The following SLC22A15 variants were observed in gnomAD, a reference collection of about 807,000 sequenced individuals.
SLC22A15 encodes flipt 1.
A neutral mutation model predicts 62.7 loss-of-function variants in SLC22A15; 45 were observed. The observed-to-expected ratio is 0.72, with a 90% CI of 0.56 to 0.92. SLC22A15 has a LOEUF of 0.92. SLC22A15 is among the 40% of genes least tolerant of loss of function. The probability of loss-of-function intolerance (pLI) is 0.00; values close to 1 mark genes in which losing one functional copy is unlikely to be tolerated. For missense variants in SLC22A15, 622 were observed against 665.6 expected, an observed-to-expected ratio of 0.93 and a Z score of 0.72; for synonymous variants, 264 against 267.0, an observed-to-expected ratio of 0.99 and a Z score of 0.11.
In SLC22A15 at chr1:116,035,203, G is replaced by T. The variant is rs781090697; in HGVS notation, c.961G>T (p.Val321Leu). ...CAATTGCAGGTTTGTGTGCAGCTTG[G>T]TGTATTATGGCCTAACTCTGAGTGC... ...LMFIWFVCSL[V>L]YYGLTLSAGD... is the part of the protein sequence containing the mutation. The change falls in exon 7 of 12, where the codon GTG (valine) becomes TTG (leucine). Residue 321 changes from valine to leucine, a missense_variant. Physicochemically the swap from Val to Leu is conservative, Grantham distance 32. Transcript: ENST00000369503. 4 of 1,611,630 alleles carry T rather than the reference G, an allele frequency of 2.5e-6. No individual in the cohort carries two copies. In the Admixed American group the frequency reaches 5.0e-5, roughly 20 times the overall value.
chr1:115,978,724 G>A (rs1409005770), intron 1 of SLC22A15, among the ~76,000 whole-genome samples: 2 of 152,166 alleles, frequency 1.3e-5, no homozygotes, highest in African/African-American at 4.8e-5. Context: ...GTCTGTTGTT[G>A]GAGATGTTTT....
At position 116,018,875 on chromosome 1, in the gene SLC22A15, G is replaced by A. The variant is rs146519246; in HGVS notation, c.301-707G>A. Among the ~76,000 whole-genome samples the A allele has an allele frequency of 6.4e-3, 975 of 152,162 alleles. 3 individuals are homozygous for A. The highest frequency in any genetic ancestry group is 8.4e-3 in the Non-Finnish European group (569 of 68,012). ...ATTCTTCCTATCTAGCTGTAATTTT[G>A]TATCCTTTAACAAATCTCTGGCTAT... On this transcript the variant is annotated intron_variant, in intron 2 of 11. Coordinates refer to ENST00000369503, the MANE Select transcript of SLC22A15 (RefSeq NM_018420.3).
At chr1:116,066,952 A>T in intron 11 of SLC22A15, 67 bp from the exon 12 acceptor site, 1 of 1,254,880 alleles carries the variant, frequency 8.0e-7, no homozygotes, top group Non-Finnish European at 1.1e-6. Flanking sequence ...GAATAGCTAG[A>T]TGGTAGTTTC....
chr1:115,977,461 G>A (rs1654371923), intron 1 of SLC22A15, among the ~76,000 whole-genome samples: 1 of 152,206 alleles, frequency 6.6e-6, no homozygotes, highest in Non-Finnish European at 1.5e-5. Flanking sequence ...GATTAACTGC[G>A]CCAGGCAAGG....
intron 2 of SLC22A15, among the ~76,000 whole-genome samples, chr1:116,001,711 A>G (rs1282766944): frequency 6.6e-6 from 1 of 152,050 alleles, no homozygotes; most frequent in Admixed American, 6.6e-5. Flanking sequence ...TGTTAAATTT[A>G]TCTGACAGGA....
intron 8 of SLC22A15, among the ~76,000 whole-genome samples, chr1:116,039,394 A>G (rs886560414): frequency 2.0e-5 from 3 of 152,048 alleles, no homozygotes; most frequent in Non-Finnish European, 2.9e-5. Context: ...TTAGTTGGGC[A>G]TGGTGGCGGG....
chr1:116,018,577 GGATGGTCTTGATCTCCTAACCTT>G lies in SLC22A15; in HGVS notation c.301-1003_301-981del, dbSNP rs1329057260. 2.0e-5 allele frequency among the ~76,000 whole-genome samples: 3 copies of G among 151,750 alleles called. No homozygotes were observed. The East Asian group carries it at 5.9e-4, about 30-fold the overall frequency. ...ATACAGGGTTTCACCATGTTAGCCAGGATGGTCTTGATCTCCTAACCTTGTGATCTGCCCCCCTCAGCCTCTTC... is the reference window on the plus strand; with the variant it reads ...ATACAGGGTTTCACCATGTTAGCCAGGTGATCTGCCCCCCTCAGCCTCTTC... On this transcript the variant is annotated intron_variant, in intron 2 of 11. Coordinates refer to ENST00000369503, the MANE Select transcript of SLC22A15 (RefSeq NM_018420.3).
chr1:116,054,888 G>A (rs1308296684), intron 8 of SLC22A15, among the ~76,000 whole-genome samples: 1 of 151,736 alleles, frequency 6.6e-6, no homozygotes, highest in Non-Finnish European at 1.5e-5. Flanking sequence ...CAGAATCTCT[G>A]GGACACATTC....
intron 2 of SLC22A15, among the ~76,000 whole-genome samples, chr1:116,014,787 A>G (rs1036899857): frequency 3.9e-5 from 6 of 152,206 alleles, no homozygotes; most frequent in African/African-American, 1.4e-4. Flanking sequence ...AGCCACACTT[A>G]TCATATTTAG....
chr1:116,013,549 G>A (rs563904738), intron 2 of SLC22A15, among the ~76,000 whole-genome samples: 5 of 152,202 alleles, frequency 3.3e-5, no homozygotes, highest in African/African-American at 7.2e-5. Context: ...ATATGGCAGC[G>A]TTCCTCTTTG....
intron 2 of SLC22A15, among the ~76,000 whole-genome samples, chr1:116,003,001 C>T (rs1054373479): frequency 6.6e-5 from 10 of 152,174 alleles, no homozygotes; most frequent in Non-Finnish European, 7.3e-5. Context: ...CTTATGGTGA[C>T]TGCTGCCTGG....
At chr1:116,055,121 T>C (rs1438722513) in intron 8 of SLC22A15, among the ~76,000 whole-genome samples, 1 of 148,746 alleles carries the variant, frequency 6.7e-6, no homozygotes, top group Non-Finnish European at 1.5e-5. Context: ...CAGGAGCTGG[T>C]TTTTTGAAAG....
At chr1:116,016,558 T>G (rs1656540024) in intron 2 of SLC22A15, among the ~76,000 whole-genome samples, 1 of 152,098 alleles carries the variant, frequency 6.6e-6, no homozygotes, top group Non-Finnish European at 1.5e-5. Context: ...TCATAACCTC[T>G]CCCATGAGCT....
At chr1:115,998,801 T>C (rs959863032) in intron 2 of SLC22A15, among the ~76,000 whole-genome samples, 1 of 152,142 alleles carries the variant, frequency 6.6e-6, no homozygotes, top group African/African-American at 2.4e-5. Flanking sequence ...CTCATCTTTA[T>C]TATTTCTTTT....
chr1:116,067,064 G>A lies in SLC22A15; in HGVS notation c.1600G>A (p.Glu534Lys). Residue 534 changes from glutamate to lysine, a missense_variant, in exon 12 of 12, where the codon GAA (glutamate) becomes AAA (lysine). Glu to Lys is a moderately conservative substitution (Grantham distance 56). Transcript: ENST00000369503. ...SSLGSESEEEEEFYDADEETQ... is the reference protein window; with the variant it reads ...SSLGSESEEEKEFYDADEETQ... ...TTTAGGGAGTGAGAGTGAGGAAGAG[G>A]AAGAATTTTATGATGCAGATGAAGA... 6.2e-7 allele frequency: 1 copy of A among 1,612,760 alleles called. No homozygotes were observed. Among genetic ancestry groups the A allele is most frequent in the South Asian group, 1.1e-5 (1 of 90,596 alleles).
At chr1:115,982,013 GTTTAA>G (rs1654633866) in intron 1 of SLC22A15, among the ~76,000 whole-genome samples, 1 of 152,236 alleles carries the variant, frequency 6.6e-6, no homozygotes, top group Non-Finnish European at 1.5e-5. Context: ...GATCACGAAA[GTTTAA>G]TTTGTTTTGC....
chr1:116,047,263 C>G (rs1162073616), intron 8 of SLC22A15, among the ~76,000 whole-genome samples: 1 of 152,040 alleles, frequency 6.6e-6, no homozygotes, highest in Non-Finnish European at 1.5e-5. Context: ...ACCGTCTCTC[C>G]TAAAAATATA....
In SLC22A15 at chr1:116,027,145, A is replaced by T. The variant is rs144058653; in HGVS notation, c.728+123A>T. 5.5e-5 allele frequency: 50 copies of T among 912,902 alleles called. No individual in the cohort carries two copies. The East Asian group carries it at 9.5e-4, about 17-fold the overall frequency. 56.6% of individuals were successfully genotyped at this position (912,902 alleles called of 1,614,324 possible). A position where few individuals can be genotyped will look rare whatever the true frequency, so the allele number is the denominator to read the frequency against. On this transcript the variant is annotated intron_variant, in intron 5 of 11. Coordinates refer to ENST00000369503, the MANE Select transcript of SLC22A15 (RefSeq NM_018420.3). The stretch of plus-strand genomic sequence containing the variant: ...TTGCCTGCACTGACTTTGGTGAAGA[A>T]CTAAATTCTGCAAGTGCTCCAATTC...
At chr1:116,037,249 A>C (rs1657654558) in intron 7 of SLC22A15, 54 bp from the exon 8 acceptor site, 3 of 1,422,038 alleles carry the variant, frequency 2.1e-6, no homozygotes, top group Middle Eastern at 1.8e-4. Context: ...GGGAAGAAAC[A>C]GATGAATTTA....
Sources: allele counts gnomAD v4.1 joint callset (sites outside exome capture counted in the v4.1 genomes callset), GRCh38; gene constraint gnomAD v4.1.1; transcripts MANE v1.5; gene names NCBI Gene and HGNC (gene_info 2026-07-23, HGNC 2026-07-21).